Variants in CNTN4 observed in about 807,000 individuals in gnomAD.
The protein encoded by CNTN4 is contactin-4.
In CNTN4, 77 loss-of-function variants were observed where a neutral mutation model predicts 122.5. That is an observed-to-expected ratio of 0.63 (90% CI 0.52 to 0.76). CNTN4 has a LOEUF of 0.76. Ranked by LOEUF, CNTN4 falls within the 30% of genes least tolerant of loss-of-function variation. The probability of loss-of-function intolerance (pLI) is 0.00; values close to 1 mark genes in which losing one functional copy is unlikely to be tolerated. For synonymous variants in CNTN4, 512 were observed against 447.0 expected (o/e 1.15, Z -1.83); for missense variants, 1,256 against 1,259.1 (o/e 1.00, Z 0.04).
At chr3:2,156,270 A>G (rs572146595) in intron 2 of CNTN4, among the ~76,000 whole-genome samples, 38 of 152,322 alleles carry the variant, frequency 2.5e-4, no homozygotes, top group African/African-American at 8.2e-4. Flanking sequence ...AAACGGAACC[A>G]TGGGAACCTT....
chr3:2,265,617 T>G (rs2041011454), intron 2 of CNTN4, among the ~76,000 whole-genome samples: 1 of 152,100 alleles, frequency 6.6e-6, no homozygotes, highest in Non-Finnish European at 1.5e-5. Context: ...TCATTGGTAT[T>G]TTGATGAGGA....
chr3:2,580,338 G>A (rs936219714), intron 4 of CNTN4, among the ~76,000 whole-genome samples: 3 of 152,144 alleles, frequency 2.0e-5, no homozygotes, highest in Non-Finnish European at 2.9e-5. Context: ...GAGAGCTGAG[G>A]AGGTGTCTAT....
At chr3:2,674,172 C>A (rs576914447) in intron 4 of CNTN4, among the ~76,000 whole-genome samples, 1 of 152,310 alleles carries the variant, frequency 6.6e-6, no homozygotes, top group African/African-American at 2.4e-5. Context: ...GAAGTACTTA[C>A]CGCATACAAT....
intron 4 of CNTN4, among the ~76,000 whole-genome samples, chr3:2,638,445 A>T (rs1008148930): frequency 6.6e-6 from 1 of 152,156 alleles, no homozygotes; most frequent in Non-Finnish European, 1.5e-5. Context: ...TTATAAAGAA[A>T]GTTGCGGTTT....
At chr3:2,625,237 C>T (rs2082138254) in intron 4 of CNTN4, among the ~76,000 whole-genome samples, 1 of 152,170 alleles carries the variant, frequency 6.6e-6, no homozygotes, top group African/African-American at 2.4e-5. Flanking sequence ...ATGCACACCT[C>T]CCACAACGCC....
intron 2 of CNTN4, among the ~76,000 whole-genome samples, chr3:2,138,152 C>T (rs1052200762): frequency 6.6e-6 from 1 of 151,940 alleles, no homozygotes; most frequent in South Asian, 2.1e-4. Flanking sequence ...CTGCAACCTC[C>T]ACTTCCCGGG....
rs137873214 is a variant in CNTN4 at position 2,183,042 on chromosome 3, A to G, written c.-145+82403A>G. Reference sequence around the variant, plus strand: ...CTAACTCATATCTTCTCTGAAGAAGATTCTTCAGTAAGTTCAATAACTAAC... The same window carrying G: ...CTAACTCATATCTTCTCTGAAGAAGGTTCTTCAGTAAGTTCAATAACTAAC... On this transcript the variant is annotated intron_variant, in intron 2 of 24. Coordinates refer to ENST00000418658, the MANE Select transcript of CNTN4 (RefSeq NM_175607.3). 3.6e-3 allele frequency among the ~76,000 whole-genome samples: 548 copies of G among 152,254 alleles called. 4 individuals carry two copies. Among genetic ancestry groups the G allele is most frequent in the African/African-American group, 0.013 (525 of 41,564 alleles).
At chr3:2,676,730 C>T (rs568640631) in intron 4 of CNTN4, among the ~76,000 whole-genome samples, 1 of 152,256 alleles carries the variant, frequency 6.6e-6, no homozygotes, top group African/African-American at 2.4e-5. Flanking sequence ...GAAAATGTTT[C>T]AGTAAGGAAA....
chr3:2,701,752 T>A (rs1021181093), intron 4 of CNTN4, among the ~76,000 whole-genome samples: 1 of 152,196 alleles, frequency 6.6e-6, no homozygotes, highest in African/African-American at 2.4e-5. Context: ...CCTCATCTTG[T>A]GATTTCTCTT....
At chr3:2,205,279 C>G (rs2149407541) in intron 2 of CNTN4, among the ~76,000 whole-genome samples, 1 of 148,856 alleles carries the variant, frequency 6.7e-6, no homozygotes, top group Admixed American at 6.7e-5. Flanking sequence ...TTTTTTTCCA[C>G]CAGTGAAAAA....
intron 4 of CNTN4, among the ~76,000 whole-genome samples, chr3:2,730,482 A>G (rs1462532295): frequency 6.6e-6 from 1 of 151,964 alleles, no homozygotes; most frequent in Non-Finnish European, 1.5e-5. Context: ...CCTTTTTACT[A>G]TGTTGCTTTC....
At chr3:2,896,732 G>A (rs938301244) in intron 10 of CNTN4, among the ~76,000 whole-genome samples, 1 of 152,100 alleles carries the variant, frequency 6.6e-6, no homozygotes, top group African/African-American at 2.4e-5. Flanking sequence ...GATTTGGGAA[G>A]CATCTATGTA....
intron 6 of CNTN4, among the ~76,000 whole-genome samples, chr3:2,749,738 G>A (rs893839078): frequency 3.3e-5 from 5 of 152,104 alleles, no homozygotes; most frequent in African/African-American, 1.2e-4. Flanking sequence ...ATTTTCTGGA[G>A]TTTATCTTTT....
chr3:2,573,812 T>TTG (rs2079535376), intron 4 of CNTN4, among the ~76,000 whole-genome samples: 1 of 152,228 alleles, frequency 6.6e-6, no homozygotes, highest in Admixed American at 6.5e-5. Flanking sequence ...TCTTACCATA[T>TTG]GCCTTCTTCA....
chr3:2,601,679 G>T (rs2149748408), intron 4 of CNTN4, among the ~76,000 whole-genome samples: 1 of 152,242 alleles, frequency 6.6e-6, no homozygotes, highest in African/African-American at 2.4e-5. Context: ...GGATTGCCTT[G>T]GCAATGCGGG....
chr3:2,127,060 C>T (rs375686435), intron 2 of CNTN4, among the ~76,000 whole-genome samples: 3 of 152,030 alleles, frequency 2.0e-5, no homozygotes, highest in African/African-American at 7.3e-5. Context: ...CTGTCTTTTT[C>T]ATCTTTGTGG....
chr3:2,813,037 G>A (rs893305290), intron 6 of CNTN4, among the ~76,000 whole-genome samples: 2 of 152,090 alleles, frequency 1.3e-5, no homozygotes, highest in Non-Finnish European at 2.9e-5. Context: ...CTCAGGTTTT[G>A]TAAATTTCGA....
intron 3 of CNTN4, among the ~76,000 whole-genome samples, chr3:2,355,543 C>T (rs570423078): frequency 6.6e-6 from 1 of 152,282 alleles, no homozygotes; most frequent in South Asian, 2.1e-4. Flanking sequence ...ATTTCTGGGA[C>T]CTATTTCAGG....
At chr3:2,158,844 T>G (rs1276577343) in intron 2 of CNTN4, among the ~76,000 whole-genome samples, 1 of 152,216 alleles carries the variant, frequency 6.6e-6, no homozygotes, top group East Asian at 1.9e-4. Flanking sequence ...TTGTTTTGTT[T>G]GTTTTGTTTT....
Sources: gnomAD v4.1 joint callset for allele counts (sites outside exome capture counted in the v4.1 genomes callset) on GRCh38, gnomAD v4.1.1 for gene constraint, MANE v1.5 for transcripts, NCBI Gene and HGNC (gene_info 2026-07-23, HGNC 2026-07-21) for gene names.